CLRN1: variants seen among roughly 807,000 people sequenced by gnomAD.
The protein encoded by CLRN1 is clarin 1.
CLRN1 carries 15 observed loss-of-function variants against 18.7 expected under a neutral mutation model. That is an observed-to-expected ratio of 0.80 (90% CI 0.54 to 1.23). The LOEUF (loss-of-function observed/expected upper bound fraction) is 1.23. CLRN1 is among the 50% of genes most tolerant of loss of function. The probability of loss-of-function intolerance (pLI) is 0.00; values close to 1 mark genes in which losing one functional copy is unlikely to be tolerated. For missense variants in CLRN1, 311 were observed against 277.5 expected (o/e 1.12, Z -0.86); for synonymous variants, 104 against 102.9 (o/e 1.01, Z -0.07).
chr3:150,944,508 G>C (rs191293662), intron 1 of CLRN1, among the ~76,000 whole-genome samples: 8 of 151,826 alleles, frequency 5.3e-5, no homozygotes, highest in Admixed American at 3.3e-4. Flanking sequence ...CGGTGGGAGA[G>C]GTTGTCAGAT....
chr3:150,927,267 A>G lies in CLRN1; in HGVS notation c.*669T>C, dbSNP rs1712852612. ...TGGTTAATAAGACTATGCTTTTTTAAAGCCTATATTTTATATTTATTTTAT... is the reference window on the plus strand; with the variant it reads ...TGGTTAATAAGACTATGCTTTTTTAGAGCCTATATTTTATATTTATTTTAT... On this transcript the variant is annotated 3_prime_UTR_variant, in exon 3 of 3. Coordinates refer to ENST00000327047, the MANE Select transcript of CLRN1 (RefSeq NM_174878.3). The G allele has an allele frequency of 4.6e-6, 2 of 437,750 alleles. No homozygotes were observed. The highest frequency in any genetic ancestry group is 1.7e-5 in the South Asian group (1 of 57,696). The allele number at this position is 437,750 out of a possible 1,614,324, so 27.1% of individuals were successfully genotyped here.
downstream of CLRN1, chr3:150,926,354 GGGGACCTCCAACCAACTCCTCACGC>G: frequency 4.4e-6 from 1 of 229,720 alleles, no homozygotes; most frequent in African/African-American, 2.3e-5. Flanking sequence ...ACCTGGCCTT[GGGGACCTCCAACCAACTCCTCACGC>G]AGGAGACGGT....
At chr3:150,956,654 C>G (rs16863101) in intron 1 of CLRN1, among the ~76,000 whole-genome samples, 26,262 of 152,116 alleles carry the variant, frequency 0.17, 2,544 homozygotes, top group South Asian at 0.38. Flanking sequence ...TAGGGATGCT[C>G]TCATAGGAAA....
At chr3:150,965,694 C>G (rs2107987089) in intron 1 of CLRN1, among the ~76,000 whole-genome samples, 1 of 152,292 alleles carries the variant, frequency 6.6e-6, no homozygotes, top group South Asian at 2.1e-4. Context: ...CACTTAGAAC[C>G]TGCCCCTGTC....
chr3:150,935,270 A>G (rs1713399645), intron 2 of CLRN1, among the ~76,000 whole-genome samples: 1 of 147,418 alleles, frequency 6.8e-6, no homozygotes, highest in African/African-American at 2.5e-5. Flanking sequence ...CATTAGGTAT[A>G]TCTCCTAATG....
intron 1 of CLRN1, among the ~76,000 whole-genome samples, chr3:150,965,938 C>A (rs144392493): frequency 2.0e-5 from 3 of 152,220 alleles, no homozygotes; most frequent in Admixed American, 6.5e-5. Context: ...TAGGCAGAAC[C>A]AGAAGTTCCT....
intron 1 of CLRN1, among the ~76,000 whole-genome samples, chr3:150,959,311 C>A (rs1043734896): frequency 5.9e-5 from 9 of 152,096 alleles, no homozygotes; most frequent in African/African-American, 2.2e-4. Context: ...AATAATTTGT[C>A]TCACATGTCA....
At chr3:150,960,005 A>T (rs967509360) in intron 1 of CLRN1, among the ~76,000 whole-genome samples, 1 of 152,284 alleles carries the variant, frequency 6.6e-6, no homozygotes, top group Non-Finnish European at 1.5e-5. Context: ...TAGAGGGGCC[A>T]ATGGGGAGAC....
At position 150,927,217 on chromosome 3, in the gene CLRN1, G is replaced by C. The variant is rs902498652; in HGVS notation, c.*719C>G. ...TTTTTTCTTCTTTTCTTCTTTTAGA[G>C]TTTGCAGATTTTGACCAACAGACAT... On this transcript the variant is annotated 3_prime_UTR_variant, in exon 3 of 3. Transcript: ENST00000327047. 5.9e-6 allele frequency: 3 copies of C among 507,394 alleles called. No homozygotes were observed. Among genetic ancestry groups the C allele is most frequent in the African/African-American group, 5.8e-5 (3 of 52,150 alleles). The allele number at this position is 507,394 out of a possible 1,614,324, so 31.4% of individuals were successfully genotyped here.
intron 1 of CLRN1, among the ~76,000 whole-genome samples, chr3:150,971,137 C>A (rs896342459): frequency 4.6e-5 from 7 of 152,154 alleles, no homozygotes; most frequent in Admixed American, 3.9e-4. Flanking sequence ...TCTCTCTCAA[C>A]TTTTTTCCTT....
At chr3:150,952,176 A>G (rs973544623) in intron 1 of CLRN1, among the ~76,000 whole-genome samples, 1 of 152,138 alleles carries the variant, frequency 6.6e-6, no homozygotes, top group Non-Finnish European at 1.5e-5. Flanking sequence ...CCAACCTACG[A>G]TGGTTCGATT....
intron 2 of CLRN1, among the ~76,000 whole-genome samples, chr3:150,937,882 A>G (rs777503178): frequency 7.9e-5 from 12 of 152,100 alleles, no homozygotes; most frequent in Non-Finnish European, 1.5e-4. Context: ...AGGGTCTGGC[A>G]TGCACCACAT....
Position 150,926,971 on chromosome 3 carries a change from C to A in CLRN1, c.*965G>T, listed in dbSNP as rs569838448. Reference sequence around the variant, plus strand: ...CAAGACCAAGATGATACAGTGATACCGTCATAATCCCAGATTTAATATAAT... The same window carrying A: ...CAAGACCAAGATGATACAGTGATACAGTCATAATCCCAGATTTAATATAAT... On this transcript the variant is annotated 3_prime_UTR_variant, in exon 3 of 3. Coordinates refer to ENST00000327047, the MANE Select transcript of CLRN1 (RefSeq NM_174878.3). 2 of 1,588,122 alleles carry A rather than the reference C, an allele frequency of 1.3e-6. No homozygotes were observed. The highest frequency in any genetic ancestry group is 1.7e-5 in the Admixed American group (1 of 57,674).
At chr3:150,955,700 T>A (rs1373302489) in intron 1 of CLRN1, among the ~76,000 whole-genome samples, 1 of 152,194 alleles carries the variant, frequency 6.6e-6, no homozygotes, top group East Asian at 1.9e-4. Context: ...AAGAATTCGT[T>A]GCACACCTGA....
intron 1 of CLRN1, among the ~76,000 whole-genome samples, chr3:150,949,238 C>A (rs62282737): frequency 0.12 from 18,641 of 151,958 alleles, 1,250 homozygotes; most frequent in African/African-American, 0.16. Context: ...TATGACAAAC[C>A]ACCACAAACA....
upstream of CLRN1, chr3:150,972,830 G>T: frequency 1.4e-6 from 2 of 1,396,004 alleles, no homozygotes; most frequent in Middle Eastern, 2.3e-4. Context: ...CAGCTGAAAA[G>T]GCAACTTCAC....
At chr3:150,935,321 T>A (rs1713409511) in intron 2 of CLRN1, among the ~76,000 whole-genome samples, 1 of 122,148 alleles carries the variant, frequency 8.2e-6, no homozygotes, top group South Asian at 3.1e-4. Context: ...CAGTCCCCAG[T>A]GTGTGATGTT....
At chr3:150,942,474 C>T (rs1713913945) in intron 1 of CLRN1, 1 of 262,980 alleles carries the variant, frequency 3.8e-6, no homozygotes, top group Admixed American at 4.5e-5. Context: ...CTGGCAGGAC[C>T]AATCTGGGGA....
intron 2 of CLRN1, among the ~76,000 whole-genome samples, chr3:150,933,573 CTGTG>C (rs889503082): frequency 1.5e-4 from 23 of 152,212 alleles, no homozygotes; most frequent in African/African-American, 5.5e-4. Context: ...GGTGAGCTGT[CTGTG>C]TGTGTTTCTG....
Sources: gnomAD v4.1 joint callset for allele counts (sites outside exome capture counted in the v4.1 genomes callset) on GRCh38, gnomAD v4.1.1 for gene constraint, MANE v1.5 for transcripts, NCBI Gene and HGNC (gene_info 2026-07-23, HGNC 2026-07-21) for gene names.